Variants in CSMD1 observed in about 807,000 individuals in gnomAD.
The protein encoded by CSMD1 is CUB and sushi domain-containing protein 1.
A neutral mutation model predicts 417.5 loss-of-function variants in CSMD1; 213 were observed. The observed-to-expected ratio is 0.51, with a 90% CI of 0.46 to 0.57. The LOEUF (loss-of-function observed/expected upper bound fraction) is 0.57, where lower values mean the gene tolerates loss of function less well. CSMD1 is among the 20% of genes least tolerant of loss of function. The probability of loss-of-function intolerance (pLI) is 0.00; values close to 1 mark genes in which losing one functional copy is unlikely to be tolerated. For missense variants in CSMD1, 6,923 were observed against 4,529.7 expected (o/e 1.53, Z -15.17); for synonymous variants, 2,862 against 1,736.8 (o/e 1.65, Z -16.11).
At chr8:4,273,650 G>T (rs905337723) in intron 3 of CSMD1, among the ~76,000 whole-genome samples, 14 of 152,122 alleles carry the variant, frequency 9.2e-5, no homozygotes, top group African/African-American at 2.7e-4. Context: ...CTCTAATAGA[G>T]AGCAGTAATC....
chr8:3,591,726 G>C (rs1343771007), intron 8 of CSMD1, among the ~76,000 whole-genome samples: 1 of 152,026 alleles, frequency 6.6e-6, no homozygotes, highest in Non-Finnish European at 1.5e-5. Flanking sequence ...AGAGAGATTA[G>C]ATGACAGATA....
chr8:3,167,032 A>G (rs540042912), intron 37 of CSMD1, among the ~76,000 whole-genome samples: 11 of 152,306 alleles, frequency 7.2e-5, no homozygotes, highest in African/African-American at 2.6e-4. Context: ...CACGCCTGTC[A>G]TCCCAGCACT....
chr8:4,204,090 G>C (rs868005433), intron 3 of CSMD1, among the ~76,000 whole-genome samples: 1 of 152,196 alleles, frequency 6.6e-6, no homozygotes, highest in South Asian at 2.1e-4. Context: ...GACAGAACAA[G>C]ACTCTGTCTC....
intron 5 of CSMD1, among the ~76,000 whole-genome samples, chr8:3,909,818 G>A (rs1013360986): frequency 6.6e-6 from 1 of 152,108 alleles, no homozygotes; most frequent in African/African-American, 2.4e-5. Flanking sequence ...ATTTTGCATG[G>A]TGATTGTAAT....
At chr8:3,118,841 T>C (rs189702032) in intron 41 of CSMD1, among the ~76,000 whole-genome samples, 10 of 152,332 alleles carry the variant, frequency 6.6e-5, no homozygotes, top group East Asian at 1.9e-4. Flanking sequence ...AAGTAAATTT[T>C]ATAATGCTTA....
intron 8 of CSMD1, among the ~76,000 whole-genome samples, chr8:3,615,317 G>A (rs920553376): frequency 6.6e-6 from 1 of 152,164 alleles, no homozygotes; most frequent in Admixed American, 6.5e-5. Context: ...ACAGACTGAA[G>A]TGAGTCTCCA....
At chr8:3,166,181 T>C (rs991969568) in intron 37 of CSMD1, among the ~76,000 whole-genome samples, 1 of 152,098 alleles carries the variant, frequency 6.6e-6, no homozygotes, top group Non-Finnish European at 1.5e-5. Flanking sequence ...AAAAGAATCA[T>C]GTACTTTAAA....
intron 1 of CSMD1, among the ~76,000 whole-genome samples, chr8:4,907,275 G>A (rs1369043188): frequency 6.6e-6 from 1 of 152,058 alleles, no homozygotes; most frequent in African/African-American, 2.4e-5. Flanking sequence ...ATTTTGTGAT[G>A]TACCTTCTGC....
At chr8:3,951,477 C>G (rs1268404811) in intron 5 of CSMD1, among the ~76,000 whole-genome samples, 1 of 152,078 alleles carries the variant, frequency 6.6e-6, no homozygotes, top group Non-Finnish European at 1.5e-5. Context: ...TTGTGGGATT[C>G]CAACTGCTTG....
intron 5 of CSMD1, among the ~76,000 whole-genome samples, chr8:3,823,981 G>A (rs1311169919): frequency 6.6e-6 from 1 of 152,042 alleles, no homozygotes; most frequent in Non-Finnish European, 1.5e-5. Context: ...AAATAGTTCT[G>A]AAACCTAATA....
chr8:4,251,873 G>A (rs540238889), intron 3 of CSMD1, among the ~76,000 whole-genome samples: 46 of 148,074 alleles, frequency 3.1e-4, no homozygotes, highest in Non-Finnish European at 5.3e-4. Context: ...GAGAGAGGGT[G>A]GAGGAAGAGG....
At chr8:3,185,719 G>T (rs1009266045) in intron 36 of CSMD1, among the ~76,000 whole-genome samples, 6 of 152,126 alleles carry the variant, frequency 3.9e-5, no homozygotes, top group Admixed American at 1.3e-4. Context: ...GACAAAACGT[G>T]GCAAGACACA....
chr8:4,552,329 A>C (rs1585239452), intron 2 of CSMD1, among the ~76,000 whole-genome samples: 2 of 150,906 alleles, frequency 1.3e-5, no homozygotes, highest in South Asian at 4.2e-4. Context: ...CTCAAATCTC[A>C]CATTCTTTTT....
chr8:4,930,989 A>C (rs1245785658), intron 1 of CSMD1, among the ~76,000 whole-genome samples: 1 of 152,186 alleles, frequency 6.6e-6, no homozygotes, highest in Non-Finnish European at 1.5e-5. Context: ...AAAAACAGTA[A>C]GACAATATAT....
chr8:3,370,710 C>T (rs1302622318), intron 18 of CSMD1, among the ~76,000 whole-genome samples: 1 of 152,200 alleles, frequency 6.6e-6, no homozygotes, highest in African/African-American at 2.4e-5. Flanking sequence ...CACGGTAGCT[C>T]ACACCTGTAA....
intron 12 of CSMD1, among the ~76,000 whole-genome samples, chr8:3,457,618 C>A (rs1398360144): frequency 6.6e-6 from 1 of 152,164 alleles, no homozygotes; most frequent in Non-Finnish European, 1.5e-5. Flanking sequence ...CCATCTATAA[C>A]TTTTAAATCA....
intron 5 of CSMD1, among the ~76,000 whole-genome samples, chr8:3,978,494 T>A (rs566397879): frequency 6.6e-6 from 1 of 152,318 alleles, no homozygotes; most frequent in South Asian, 2.1e-4. Context: ...GGACTTTACT[T>A]CAATACATTC....
At chr8:4,959,626 T>G (rs1207712781) in intron 1 of CSMD1, among the ~76,000 whole-genome samples, 1 of 152,248 alleles carries the variant, frequency 6.6e-6, no homozygotes, top group Non-Finnish European at 1.5e-5. Flanking sequence ...CTTCCAGCCT[T>G]GTTCCTTTCT....
intron 1 of CSMD1, among the ~76,000 whole-genome samples, chr8:4,893,385 TACAG>T (rs1804257790): frequency 6.6e-6 from 1 of 152,092 alleles, no homozygotes; most frequent in Admixed American, 6.5e-5. Flanking sequence ...CTTTTATTAA[TACAG>T]AATTTTTTTT....
Sources: allele counts gnomAD v4.1 joint callset (sites outside exome capture counted in the v4.1 genomes callset), GRCh38; gene constraint gnomAD v4.1.1; transcripts MANE v1.5; gene names NCBI Gene and HGNC (gene_info 2026-07-23, HGNC 2026-07-21).